Variants in ZNF521 observed in about 807,000 individuals in gnomAD.
The protein encoded by ZNF521 is LYST-interacting protein 3.
ZNF521 carries 14 observed loss-of-function variants against 105.5 expected under a neutral mutation model. That is an observed-to-expected ratio of 0.13 (90% confidence interval 0.09 to 0.21). The LOEUF (loss-of-function observed/expected upper bound fraction) is 0.21. Ranked by LOEUF, ZNF521 falls within the 10% of genes least tolerant of loss-of-function variation. ZNF521 has a pLI of 1.00. For missense variants in ZNF521, 1,233 were observed against 1,629.7 expected (o/e 0.76, Z 4.19); for synonymous variants, 635 against 606.0 (o/e 1.05, Z -0.70).
At chr18:25,204,953 A>G (rs909701631) in intron 4 of ZNF521, among the ~76,000 whole-genome samples, 2 of 152,026 alleles carry the variant, frequency 1.3e-5, no homozygotes, top group Non-Finnish European at 2.9e-5. Flanking sequence ...CAGTCAATAC[A>G]TTTTGTTTAC....
At chr18:25,330,054 T>G (rs1913474277) in intron 2 of ZNF521, among the ~76,000 whole-genome samples, 1 of 152,180 alleles carries the variant, frequency 6.6e-6, no homozygotes, top group Non-Finnish European at 1.5e-5. Flanking sequence ...TCTCACTATC[T>G]TCACATCCAG....
At chr18:25,156,258 C>T (rs1005309586) in intron 5 of ZNF521, among the ~76,000 whole-genome samples, 4 of 152,156 alleles carry the variant, frequency 2.6e-5, no homozygotes, top group African/African-American at 9.7e-5. Flanking sequence ...GGGAAATGGA[C>T]TTGTTTAATG....
chr18:25,212,565 A>ATATATATATG (rs1227568202), intron 4 of ZNF521, among the ~76,000 whole-genome samples: 1,221 of 112,340 alleles, frequency 0.011, 24 homozygotes, highest in African/African-American at 0.015. Context: ...ATATATATAT[A>ATATATATATG]TGTATAGAAA....
intron 5 of ZNF521, among the ~76,000 whole-genome samples, chr18:25,185,687 G>A (rs73404932): frequency 1.3e-5 from 2 of 152,158 alleles, no homozygotes; most frequent in South Asian, 2.1e-4. Context: ...TAACAGGCAC[G>A]GTTGTGGGAG....
chr18:25,266,520 G>A (rs1241175999), intron 3 of ZNF521, among the ~76,000 whole-genome samples: 1 of 152,142 alleles, frequency 6.6e-6, no homozygotes, highest in Non-Finnish European at 1.5e-5. Flanking sequence ...ACAGAAGGCG[G>A]GTGATTTCTG....
intron 7 of ZNF521, among the ~76,000 whole-genome samples, chr18:25,083,481 T>C (rs1307433188): frequency 1.3e-5 from 2 of 152,176 alleles, no homozygotes; most frequent in East Asian, 1.9e-4. Context: ...CAACGTTCTG[T>C]GAGTGTCTAT....
Position 25,116,919 on chromosome 18 carries a change from C to CGTATATATACGTATATA in ZNF521, c.3659-24839_3659-24838insTATATACGTATATATAC, listed in dbSNP as rs1567968553. Among the ~76,000 whole-genome samples the CGTATATATACGTATATA allele has an allele frequency of 3.3e-3, 458 of 136,788 alleles. 4 individuals carry two copies. The highest frequency in any genetic ancestry group is 0.01 in the African/African-American group (366 of 34,858). 89.7% of individuals were successfully genotyped at this position (136,788 alleles called of 152,430 possible). ...TATATATGTGTATATATACGTATAT[C>CGTATATATACGTATATA]TATGTATATATATACGTATATATAC... On this transcript the variant is annotated intron_variant, in intron 5 of 7. Coordinates refer to ENST00000361524, the MANE Select transcript of ZNF521 (RefSeq NM_015461.3).
chr18:25,129,011 A>G (rs2034588308), intron 5 of ZNF521, among the ~76,000 whole-genome samples: 1 of 151,904 alleles, frequency 6.6e-6, no homozygotes, highest in Non-Finnish European at 1.5e-5. Flanking sequence ...ACTGAAGAAG[A>G]GCAAAATCAG....
intron 3 of ZNF521, among the ~76,000 whole-genome samples, chr18:25,271,851 G>A (rs1015096576): frequency 6.6e-6 from 1 of 152,124 alleles, no homozygotes; most frequent in Non-Finnish European, 1.5e-5. Flanking sequence ...ATATAGGCAT[G>A]GGCAAAGACT....
chr18:25,294,456 T>C (rs1372096879), intron 3 of ZNF521, among the ~76,000 whole-genome samples: 1 of 152,198 alleles, frequency 6.6e-6, no homozygotes, highest in Non-Finnish European at 1.5e-5. Flanking sequence ...TACTAGACAC[T>C]AGTAGCAAAC....
intron 5 of ZNF521, among the ~76,000 whole-genome samples, chr18:25,122,076 A>G (rs1433549475): frequency 1.3e-5 from 2 of 152,248 alleles, no homozygotes; most frequent in African/African-American, 4.8e-5. Flanking sequence ...TGTATTCAAG[A>G]CATAGAAGAA....
chr18:25,218,089 G>A (rs1019323715), intron 4 of ZNF521, among the ~76,000 whole-genome samples: 20 of 152,146 alleles, frequency 1.3e-4, no homozygotes, highest in African/African-American at 4.1e-4. Flanking sequence ...AGGGAAAGCC[G>A]AAACCTGAAG....
At position 25,146,765 on chromosome 18, in the gene ZNF521, C is replaced by T. The variant is rs117678016; in HGVS notation, c.3658+48395G>A. Among the ~76,000 whole-genome samples the T allele has an allele frequency of 2.8e-4, 42 of 151,874 alleles. 1 individual carries two copies. In the East Asian group the frequency reaches 7.9e-3, roughly 29 times the overall value. On this transcript the variant is annotated intron_variant, in intron 5 of 7. Coordinates refer to ENST00000361524, the MANE Select transcript of ZNF521 (RefSeq NM_015461.3). Reference sequence around the variant, plus strand: ...TTCAAGTCCTCTTCCTCCTTGATGACTCGGTGGTATAAAATGCATTGCTCT... The same window carrying T: ...TTCAAGTCCTCTTCCTCCTTGATGATTCGGTGGTATAAAATGCATTGCTCT...
At chr18:25,150,647 G>A (rs1377628927) in intron 5 of ZNF521, among the ~76,000 whole-genome samples, 1 of 152,084 alleles carries the variant, frequency 6.6e-6, no homozygotes, top group Non-Finnish European at 1.5e-5. Context: ...GTGGACTAGT[G>A]AATGGAAATT....
chr18:25,281,011 T>A (rs903180710), intron 3 of ZNF521, among the ~76,000 whole-genome samples: 11 of 152,174 alleles, frequency 7.2e-5, no homozygotes, highest in African/African-American at 2.7e-4. Context: ...AATCAATCCT[T>A]ACACCTGTCT....
intron 7 of ZNF521, among the ~76,000 whole-genome samples, chr18:25,077,324 T>C (rs763917353): frequency 3.9e-5 from 6 of 152,180 alleles, no homozygotes; most frequent in Non-Finnish European, 8.8e-5. Flanking sequence ...CAAGATACGA[T>C]GGCATGCTGA....
intron 3 of ZNF521, among the ~76,000 whole-genome samples, chr18:25,317,957 C>T (rs1912731036): frequency 6.6e-6 from 1 of 152,064 alleles, no homozygotes; most frequent in Admixed American, 6.6e-5. Context: ...CCCAATGACC[C>T]AGCAATTCTA....
At chr18:25,096,036 C>G (rs2033844848) in intron 5 of ZNF521, among the ~76,000 whole-genome samples, 2 of 152,136 alleles carry the variant, frequency 1.3e-5, no homozygotes, top group African/African-American at 4.8e-5. Context: ...ATGACCAAAG[C>G]TGCTTTGAGT....
chr18:25,336,111 C>T (rs1180008385), intron 2 of ZNF521, among the ~76,000 whole-genome samples: 1 of 152,230 alleles, frequency 6.6e-6, no homozygotes, highest in Admixed American at 6.5e-5. Context: ...CGGCTAGACA[C>T]AGCCAGGCAT....
Sources: allele counts gnomAD v4.1 joint callset (sites outside exome capture counted in the v4.1 genomes callset), GRCh38; gene constraint gnomAD v4.1.1; transcripts MANE v1.5; gene names NCBI Gene and HGNC (gene_info 2026-07-23, HGNC 2026-07-21).